The following DAPK1 variants were observed in gnomAD, a reference collection of about 807,000 sequenced individuals.
The protein encoded by DAPK1 is death-associated protein kinase 1.
DAPK1 carries 56 observed loss-of-function variants against 144.9 expected under a neutral mutation model. The ratio of observed to expected loss-of-function variants is 0.39; its 90% CI spans 0.31 to 0.48. The LOEUF (loss-of-function observed/expected upper bound fraction) is 0.48, where lower values mean the gene tolerates loss of function less well. Ranked by LOEUF, DAPK1 falls within the 20% of genes least tolerant of loss-of-function variation. The pLI is 0.95. For missense variants in DAPK1, 1,454 were observed against 1,875.4 expected (o/e 0.78, Z 4.15); for synonymous variants, 690 against 749.0 (o/e 0.92, Z 1.29).
chr9:87,563,135 A>G (rs1826992212), intron 2 of DAPK1, among the ~76,000 whole-genome samples: 1 of 152,194 alleles, frequency 6.6e-6, no homozygotes, highest in South Asian at 2.1e-4. Flanking sequence ...TTGTAAGCAA[A>G]AGAGACTTTT....
At chr9:87,683,585 A>G (rs1824722573) in intron 20 of DAPK1, among the ~76,000 whole-genome samples, 1 of 152,176 alleles carries the variant, frequency 6.6e-6, no homozygotes, top group South Asian at 2.1e-4. Context: ...GATGATGCCC[A>G]GGAGCCCCCA....
rs1401592997 is a variant in DAPK1, at chr9:87,540,771, A to G, written c.62+41632A>G. On this transcript the variant is annotated intron_variant, in intron 2 of 25. Coordinates refer to ENST00000408954, the MANE Select transcript of DAPK1 (RefSeq NM_004938.4). ...TCCATTATTATATACATCATACCAC[A>G]GCGTAGTTGCTCACTTACCTGTCTC... is the stretch of plus-strand genomic sequence containing the variant. Among the ~76,000 whole-genome samples the G allele has an allele frequency of 3.9e-5, 6 of 152,322 alleles. No homozygotes were observed. In the East Asian group the frequency reaches 1.2e-3, roughly 29 times the overall value.
rs1587854562 is a variant in DAPK1, at chr9:87,699,979, T to G, written c.2751-138T>G. 5 of 673,280 alleles carry G rather than the reference T, an allele frequency of 7.4e-6. No individual in the cohort carries two copies. In the East Asian group the frequency reaches 1.3e-4, roughly 17 times the overall value. 41.7% of individuals were successfully genotyped at this position (673,280 alleles called of 1,614,324 possible). ...AGGCAGAGCCCACCAACAGCAGGGATGGGGAGGGGCCTTTGCAAGGACACC... is the reference window on the plus strand; with the variant it reads ...AGGCAGAGCCCACCAACAGCAGGGAGGGGGAGGGGCCTTTGCAAGGACACC... On this transcript the variant is annotated intron_variant, in intron 23 of 25. Coordinates refer to ENST00000408954, the MANE Select transcript of DAPK1 (RefSeq NM_004938.4).
At chr9:87,546,088 A>C (rs1324893579) in intron 2 of DAPK1, among the ~76,000 whole-genome samples, 1 of 152,138 alleles carries the variant, frequency 6.6e-6, no homozygotes, top group Non-Finnish European at 1.5e-5. Flanking sequence ...TTTTCAGTTA[A>C]ATAAACTTGA....
chr9:87,504,086 G>A (rs552118360), intron 2 of DAPK1, among the ~76,000 whole-genome samples: 2 of 152,076 alleles, frequency 1.3e-5, no homozygotes, highest in African/African-American at 4.8e-5. Flanking sequence ...AGACTTTCTG[G>A]CATGTTTTTT....
At chr9:87,563,312 G>A (rs779714050) in intron 2 of DAPK1, among the ~76,000 whole-genome samples, 44 of 152,216 alleles carry the variant, frequency 2.9e-4, no homozygotes, top group Admixed American at 4.6e-4. Flanking sequence ...GCACAAAGAT[G>A]AATATGATTT....
chr9:87,593,451 T>G (rs1272274727), intron 2 of DAPK1, among the ~76,000 whole-genome samples: 1 of 152,358 alleles, frequency 6.6e-6, no homozygotes, highest in African/African-American at 2.4e-5. Flanking sequence ...TTCTTTGTTC[T>G]TCCTCTCATG....
At chr9:87,655,564 T>C (rs1830603204) in intron 17 of DAPK1, among the ~76,000 whole-genome samples, 2 of 152,160 alleles carry the variant, frequency 1.3e-5, no homozygotes, top group South Asian at 4.1e-4. Context: ...CTTTTCCTTA[T>C]CTGAATTAAG....
chr9:87,511,927 G>T (rs919562020), intron 2 of DAPK1, among the ~76,000 whole-genome samples: 1 of 152,134 alleles, frequency 6.6e-6, no homozygotes, highest in African/African-American at 2.4e-5. Flanking sequence ...GGCCAGGCTG[G>T]TCTCAAACTC....
intron 15 of DAPK1, 25 bp from the exon 16 acceptor site, chr9:87,649,896 T>C: frequency 6.2e-7 from 1 of 1,611,892 alleles, no homozygotes; most frequent in Non-Finnish European, 8.5e-7. Flanking sequence ...GTTCTCCTCC[T>C]CTCTGTACTC....
At chr9:87,620,293 T>C (rs1564026784) in intron 3 of DAPK1, among the ~76,000 whole-genome samples, 1 of 152,192 alleles carries the variant, frequency 6.6e-6, no homozygotes, top group Non-Finnish European at 1.5e-5. Context: ...TAGCACCTGC[T>C]GAGTGAATTC....
chr9:87,602,999 G>A (rs943976590), intron 2 of DAPK1, among the ~76,000 whole-genome samples: 1 of 151,788 alleles, frequency 6.6e-6, no homozygotes, highest in African/African-American at 2.4e-5. Context: ...TACTGAGTGT[G>A]CCTTGAGTTG....
Position 87,662,549 on chromosome 9 carries a change from A to G in DAPK1, c.1923+4422A>G, listed in dbSNP as rs180795117. 5.2e-3 allele frequency among the ~76,000 whole-genome samples: 391 copies of G among 75,506 alleles called. 4 individuals are homozygous for G. Among genetic ancestry groups the G allele is most frequent in the Admixed American group, 0.017 (107 of 6,372 alleles). 49.5% of individuals were successfully genotyped at this position (75,506 alleles called of 152,430 possible). A position where few individuals can be genotyped will look rare whatever the true frequency, so the allele number is the denominator to read the frequency against. On this transcript the variant is annotated intron_variant, in intron 18 of 25. Transcript: ENST00000408954. ...AGAGATCTTTCACCTCCTTGGTTAA[A>G]TATATTCCTAGTTTTTTTTTTTTTT...
chr9:87,550,024 G>A (rs181103392), intron 2 of DAPK1, among the ~76,000 whole-genome samples: 1 of 152,142 alleles, frequency 6.6e-6, no homozygotes, highest in Non-Finnish European at 1.5e-5. Flanking sequence ...TTTTTTCTGT[G>A]TCGGGTAAAG....
At chr9:87,600,445 T>C (rs1587755324) in intron 2 of DAPK1, among the ~76,000 whole-genome samples, 3 of 152,038 alleles carry the variant, frequency 2.0e-5, no homozygotes, top group East Asian at 3.9e-4. Context: ...AAAAGAAAAT[T>C]AGCTGGGTGT....
chr9:87,661,295 CATA>C (rs575089451), intron 18 of DAPK1, among the ~76,000 whole-genome samples: 32 of 152,250 alleles, frequency 2.1e-4, no homozygotes, highest in Non-Finnish European at 4.1e-4. Context: ...ATGTTTTTGA[CATA>C]ATGATTTATT....
At chr9:87,536,705 TC>T (rs1825872700) in intron 2 of DAPK1, among the ~76,000 whole-genome samples, 1 of 152,236 alleles carries the variant, frequency 6.6e-6, no homozygotes, top group African/African-American at 2.4e-5. Flanking sequence ...TTATCTTGTT[TC>T]TTTTGCGTAT....
rs36208744 is a variant in DAPK1, at chr9:87,619,714, C to T, written c.284+14539C>T. On this transcript the variant is annotated intron_variant, in intron 3 of 25. Coordinates refer to ENST00000408954, the MANE Select transcript of DAPK1 (RefSeq NM_004938.4). ...GGAACGAGCTCAATAGAAGGACAGT[C>T]GATGGGACTCCACGGGACAGGCATT... Among the ~76,000 whole-genome samples, 156 of 152,240 alleles carry T rather than the reference C, an allele frequency of 1.0e-3. 2 individuals are homozygous for T. Among genetic ancestry groups the T allele is most frequent in the Non-Finnish European group, 1.7e-3 (115 of 68,020 alleles).
At chr9:87,661,266 T>C (rs1830837618) in intron 18 of DAPK1, among the ~76,000 whole-genome samples, 1 of 152,258 alleles carries the variant, frequency 6.6e-6, no homozygotes, top group African/African-American at 2.4e-5. Context: ...AGTCCTGCAG[T>C]GAACATACAA....
Sources: allele counts gnomAD v4.1 joint callset (sites outside exome capture counted in the v4.1 genomes callset), GRCh38; gene constraint gnomAD v4.1.1; transcripts MANE v1.5; gene names NCBI Gene and HGNC (gene_info 2026-07-23, HGNC 2026-07-21).